The following CCT2 variants were observed in gnomAD, a reference collection of about 807,000 sequenced individuals.
The protein encoded by CCT2 is chaperonin containing TCP1 subunit 2.
CCT2 carries 18 observed loss-of-function variants against 61.8 expected under a neutral mutation model. The observed-to-expected ratio is 0.29, with a 90% CI of 0.20 to 0.43. CCT2 has a LOEUF of 0.43. CCT2 is among the 20% of genes least tolerant of loss of function. The pLI is 1.00. For synonymous variants in CCT2, 248 were observed against 215.9 expected (o/e 1.15, Z -1.30); for missense variants, 556 against 656.9 (o/e 0.85, Z 1.68).
rs559812854 is a variant in CCT2 at position 69,592,170 on chromosome 12, C to G, written c.750+11C>G. ...ACAGACAAAATAAAGGTATGTAACT[C>G]TACTTTTTAAAAATTAAAATTACTG... On this transcript the variant is annotated intron_variant, in intron 8 of 15. Coordinates refer to ENST00000299300, the MANE Select transcript of CCT2 (RefSeq NM_006431.3). 1.2e-5 allele frequency: 18 copies of G among 1,447,012 alleles called. No homozygotes were observed. The African/African-American group carries it at 2.3e-4, about 18-fold the overall frequency. The allele number at this position is 1,447,012 out of a possible 1,614,324, so 89.6% of individuals were successfully genotyped here.
intron 13 of CCT2, 110 bp from the exon 14 acceptor site, chr12:69,598,212 G>A: frequency 9.8e-7 from 1 of 1,018,940 alleles, no homozygotes; most frequent in Non-Finnish European, 1.5e-6. Context: ...AACTGAAGCA[G>A]ATTTTACATT....
chr12:69,586,789 G>C lies in CCT2; in HGVS notation c.115G>C (p.Val39Leu), dbSNP rs1881677494. 6 of 1,601,150 alleles carry C rather than the reference G, an allele frequency of 3.7e-6. No homozygotes were observed. The highest frequency in any genetic ancestry group is 5.1e-6 in the Non-Finnish European group (6 of 1,175,192). Residue 39 changes from valine (V) to leucine (L), a missense_variant, in exon 3 of 16, where the codon GTA (valine) becomes CTA (leucine). Physicochemically the swap from Val to Leu is conservative, Grantham distance 32. Around this residue, in one of 3 missense-constraint regions of CCT2, gnomAD observed 308 missense variants for 350.6 expected, o/e 0.88. Coordinates refer to ENST00000299300, the MANE Select transcript of CCT2 (RefSeq NM_006431.3). ...TGGTGCCATCGCCATTGGAGACTTG[G>C]TAAAGAGCACCTTGGGACCCAAAGG... Reference protein sequence around the residue: ...FIGAIAIGDLVKSTLGPKGMD... With the variant: ...FIGAIAIGDLLKSTLGPKGMD...
intron 1 of CCT2, 140 bp downstream of exon 1, chr12:69,585,664 G>C: frequency 6.5e-7 from 1 of 1,528,892 alleles, no homozygotes; most frequent in Non-Finnish European, 8.8e-7. Flanking sequence ...GCCATGCGCG[G>C]GGCGTGCGGC....
Position 69,586,299 on chromosome 12 carries a change from C to T in CCT2, c.33C>T (p.Ile11=). 3 of 1,613,760 alleles carry T rather than the reference C, an allele frequency of 1.9e-6. No individual in the cohort carries two copies. Among genetic ancestry groups the T allele is most frequent in the African/African-American group, 1.3e-5 (1 of 75,028 alleles). Residue 11 remains isoleucine (I), a synonymous_variant, in exon 2 of 16, where the codon ATC becomes ATT. Transcript: ENST00000299300. MASLSLAPVN[I]FKAGADEERA... ...CCCTTTCCCTTGCACCTGTTAACAT[C>T]TTTAAGGCAGGAGCTGATGAAGAGA...
Position 69,601,397 on chromosome 12 carries a change from A to G in CCT2, c.*72A>G. ...GTGTTTGAAAGATACTCTATTAAAGAAGACTGTGGAATCTGTTTATCGGTG... is the reference window on the plus strand; with the variant it reads ...GTGTTTGAAAGATACTCTATTAAAGGAGACTGTGGAATCTGTTTATCGGTG... On this transcript the variant is annotated 3_prime_UTR_variant, in exon 16 of 16. Coordinates refer to ENST00000299300, the MANE Select transcript of CCT2 (RefSeq NM_006431.3). 5.0e-6 allele frequency: 8 copies of G among 1,613,476 alleles called. No individual in the cohort carries two copies. Among genetic ancestry groups the G allele is most frequent in the Non-Finnish European group, 6.8e-6 (8 of 1,179,772 alleles).
In CCT2 at chr12:69,599,868, A is replaced by C; in HGVS notation, c.1441A>C (p.Arg481=). ...AAATTTGTTTTTCTTTGCAGATATG[A>C]GGGAAGGCACCATTGGAGATATGGC... ...EGNTTAGLDM[R]EGTIGDMAIL... Residue 481 remains arginine (R), a synonymous_variant, in exon 15 of 16, where the codon AGG becomes CGG. Coordinates refer to ENST00000299300, the MANE Select transcript of CCT2 (RefSeq NM_006431.3). The C allele has an allele frequency of 6.2e-7, 1 of 1,607,988 alleles. No homozygotes were observed. Among genetic ancestry groups the C allele is most frequent in the Non-Finnish European group, 8.5e-7 (1 of 1,177,730 alleles).
At chr12:69,593,369 A>T in intron 9 of CCT2, 141 bp from the exon 10 acceptor site, 1 of 636,786 alleles carries the variant, frequency 1.6e-6, no homozygotes, top group Non-Finnish European at 2.7e-6. Flanking sequence ...GATAAACTCT[A>T]ATTATATAGG....
chr12:69,597,213 A>T lies in CCT2; in HGVS notation c.1040A>T (p.Lys347Ile), dbSNP rs778928710. 6.2e-7 allele frequency: 1 copy of T among 1,613,920 alleles called. No homozygotes were observed. The highest frequency in any genetic ancestry group is 1.7e-5 in the Admixed American group (1 of 60,000). ...GAACTGGTGAAGCTTGGAAGTTGCAAACTTATCGAGGAAGTCATGATTGGA... is the reference window on the plus strand; with the variant it reads ...GAACTGGTGAAGCTTGGAAGTTGCATACTTATCGAGGAAGTCATGATTGGA... ...HPELVKLGSC[K>I]LIEEVMIGED... The change falls in exon 11 of 16, where the codon AAA (lysine) becomes ATA (isoleucine). Residue 347 changes from lysine (K) to isoleucine (I), a missense_variant. Lys to Ile is a moderately radical substitution (Grantham distance 102). Transcript: ENST00000299300.
At chr12:69,591,029 A>G (rs966963885) in intron 7 of CCT2, among the ~76,000 whole-genome samples, 1 of 152,112 alleles carries the variant, frequency 6.6e-6, no homozygotes, top group Non-Finnish European at 1.5e-5. Flanking sequence ...GCTGCGTAGC[A>G]TTTCTGATAG....
At position 69,597,154 on chromosome 12, in the gene CCT2, A is replaced by G; in HGVS notation, c.983-2A>G. On this transcript the variant is annotated splice_acceptor_variant, in intron 10 of 15. Transcript: ENST00000299300. LOFTEE classifies it high-confidence loss of function. ...TTAACTAATACATGTTTATGTTTATAGGTGGTGAAATTGCCTCTACCTTTG... is the reference window on the plus strand; with the variant it reads ...TTAACTAATACATGTTTATGTTTATGGGTGGTGAAATTGCCTCTACCTTTG... 6.2e-7 allele frequency: 1 copy of G among 1,613,572 alleles called. No individual in the cohort carries two copies.
At chr12:69,590,334 GT>G (rs918064766) in intron 7 of CCT2, among the ~76,000 whole-genome samples, 2 of 151,816 alleles carry the variant, frequency 1.3e-5, no homozygotes, top group Non-Finnish European at 1.5e-5. Flanking sequence ...GGGATGACTA[GT>G]TTTTTTTAGA....
intron 7 of CCT2, among the ~76,000 whole-genome samples, chr12:69,591,637 G>A (rs1208978790): frequency 6.6e-6 from 1 of 152,186 alleles, no homozygotes; most frequent in Non-Finnish European, 1.5e-5. Flanking sequence ...TTTATTGTCT[G>A]TACTGTGCTC....
At chr12:69,592,205 A>C (rs1175573919) in intron 8 of CCT2, 46 bp downstream of exon 8, 1 of 1,093,686 alleles carries the variant, frequency 9.1e-7, no homozygotes, top group Non-Finnish European at 1.4e-6. Context: ...GCCCAGGCAG[A>C]GTGGCTCATG....
rs1306581384 is a variant in CCT2, at chr12:69,588,177, A to G, written c.361A>G (p.Ile121Val). 2 of 1,613,850 alleles carry G rather than the reference A, an allele frequency of 1.2e-6. No homozygotes were observed. The highest frequency in any genetic ancestry group is 2.7e-5 in the African/African-American group (2 of 74,932). Residue 121 changes from isoleucine (I) to valine (V), a missense_variant, in exon 6 of 16, where the codon ATT becomes GTT. Ile to Val is a conservative substitution (Grantham distance 29). Transcript: ENST00000299300. ...AGCAGAATCTTTAATTGCAAAAAAG[A>G]TTCATCCACAGACCATCATAGCGGG... ...REAESLIAKK[I>V]HPQTIIAGWR...
intron 7 of CCT2, 183 bp downstream of exon 7, chr12:69,589,870 A>G: frequency 1.7e-6 from 1 of 593,212 alleles, no homozygotes; most frequent in Non-Finnish European, 3.0e-6. Flanking sequence ...GCGCTATTCC[A>G]GCATTGTTGA....
Position 69,587,843 on chromosome 12 carries a change from G to A in CCT2, c.257-87G>A, listed in dbSNP as rs938235974. The A allele has an allele frequency of 2.0e-5, 22 of 1,083,822 alleles. No homozygotes were observed. In the South Asian group the frequency reaches 2.7e-4, roughly 13 times the overall value. The allele number at this position is 1,083,822 out of a possible 1,614,324, so 67.1% of individuals were successfully genotyped here. A position where few individuals can be genotyped will look rare whatever the true frequency, so the allele number is the denominator to read the frequency against. On this transcript the variant is annotated intron_variant, in intron 4 of 15. Transcript: ENST00000299300. ...AATAATTTGTTGAATGAGGAACCCT[G>A]GTAAGTTTAGATTGGTAGTGAATAT...
intron 8 of CCT2, 71 bp downstream of exon 8, chr12:69,592,230 A>G: frequency 1.2e-6 from 1 of 822,668 alleles, no homozygotes; most frequent in African/African-American, 1.7e-5. Context: ...TAATCCTAGC[A>G]ATTTGGGAGG....
chr12:69,588,649 G>GT (rs1295635196), intron 6 of CCT2, among the ~76,000 whole-genome samples: 1 of 152,200 alleles, frequency 6.6e-6, no homozygotes, highest in Admixed American at 6.5e-5. Context: ...GGAGATTTGT[G>GT]TATTTGATGA....
At chr12:69,590,353 T>TA (rs1224751692) in intron 7 of CCT2, among the ~76,000 whole-genome samples, 1 of 151,994 alleles carries the variant, frequency 6.6e-6, no homozygotes, top group African/African-American at 2.4e-5. Context: ...AGAAAAGAAT[T>TA]AAAAAAAATT....
Sources: gnomAD v4.1 joint callset for allele counts (sites outside exome capture counted in the v4.1 genomes callset) on GRCh38, gnomAD v4.1.1 for gene constraint, gnomAD v4.1.1 regional missense constraint, MANE v1.5 for transcripts, NCBI Gene and HGNC (gene_info 2026-07-23, HGNC 2026-07-21) for gene names.